The following CPQ variants were observed in gnomAD, a reference collection of about 807,000 sequenced individuals.
CPQ encodes the protein carboxypeptidase Q.
CPQ carries 37 observed loss-of-function variants against 45.7 expected under a neutral mutation model. The observed-to-expected ratio is 0.81, with a 90% CI of 0.62 to 1.07. The LOEUF is 1.07. CPQ is among the 50% of genes least tolerant of loss of function. The probability of loss-of-function intolerance (pLI) is 0.00; values close to 1 mark genes in which losing one functional copy is unlikely to be tolerated. For synonymous variants in CPQ, 186 were observed against 205.8 expected (o/e 0.90, Z 0.82); for missense variants, 537 against 572.9 (o/e 0.94, Z 0.64).
At chr8:96,935,529 T>C (rs1813034192) in intron 4 of CPQ, among the ~76,000 whole-genome samples, 1 of 152,018 alleles carries the variant, frequency 6.6e-6, no homozygotes, top group South Asian at 2.1e-4. Context: ...GAGAGGGAAA[T>C]AGATGTTAAG....
intron 7 of CPQ, among the ~76,000 whole-genome samples, chr8:97,101,873 T>G (rs1225089959): frequency 3.3e-5 from 5 of 151,856 alleles, no homozygotes; most frequent in African/African-American, 1.2e-4. Flanking sequence ...GTTGCTTTCT[T>G]CATTCATTTG....
In CPQ at chr8:96,679,185, G is replaced by C. The variant is rs144963339; in HGVS notation, c.-35+33783G>C. On this transcript the variant is annotated intron_variant, in intron 1 of 7. Transcript: ENST00000220763. ...CTATGTCTACTGAGATGATTCATAT[G>C]GTCTTTGTCCCTCATTCTGTTGATG... Among the ~76,000 whole-genome samples the C allele has an allele frequency of 9.4e-3, 1,424 of 152,062 alleles. 23 individuals are homozygous for C. The highest frequency in any genetic ancestry group is 0.033 in the African/African-American group (1,375 of 41,494).
At chr8:97,060,447 C>A (rs1463502705) in intron 6 of CPQ, among the ~76,000 whole-genome samples, 2 of 152,094 alleles carry the variant, frequency 1.3e-5, no homozygotes, top group African/African-American at 2.4e-5. Context: ...TAAGAGGTTA[C>A]CTTGGAGCAT....
At chr8:97,018,329 T>C (rs1280794446) in intron 5 of CPQ, among the ~76,000 whole-genome samples, 1 of 152,122 alleles carries the variant, frequency 6.6e-6, no homozygotes, top group Non-Finnish European at 1.5e-5. Context: ...AACAGCGTTC[T>C]TTAACATCCC....
intron 5 of CPQ, among the ~76,000 whole-genome samples, chr8:97,009,488 G>C (rs1809443467): frequency 6.6e-6 from 1 of 152,194 alleles, no homozygotes; most frequent in South Asian, 2.1e-4. Flanking sequence ...GGAACTGATA[G>C]AATAAGATTT....
At chr8:96,911,788 G>T (rs2130904882) in intron 4 of CPQ, among the ~76,000 whole-genome samples, 1 of 152,270 alleles carries the variant, frequency 6.6e-6, no homozygotes, top group East Asian at 1.9e-4. Flanking sequence ...CATGTAACCT[G>T]ATTTAGTCTG....
intron 5 of CPQ, among the ~76,000 whole-genome samples, chr8:97,019,353 A>G (rs1809637791): frequency 6.6e-6 from 1 of 152,238 alleles, no homozygotes; most frequent in Non-Finnish European, 1.5e-5. Context: ...AACAAATAGC[A>G]TGATGAATGG....
intron 6 of CPQ, 97 bp from the exon 7 acceptor site, chr8:97,065,912 A>G: frequency 4.2e-6 from 5 of 1,192,016 alleles, no homozygotes; most frequent in Middle Eastern, 2.8e-4. Flanking sequence ...GCACAGCCGT[A>G]AGGAGGTAAA....
rs543392770 is a variant in CPQ, at chr8:96,741,897, A to G, written c.-34-42967A>G. Among the ~76,000 whole-genome samples, 24 of 145,240 alleles carry G rather than the reference A, an allele frequency of 1.7e-4. No individual in the cohort carries two copies. The South Asian group carries it at 5.6e-3, about 34-fold the overall frequency. ...GCTGAGGAGAGCTTTACTTCCAACT[A>G]TGTGGTCAATTTTGGAATAGGTGTG... On this transcript the variant is annotated intron_variant, in intron 1 of 7. Transcript: ENST00000220763.
chr8:96,743,694 G>A (rs902836725), intron 1 of CPQ, among the ~76,000 whole-genome samples: 48 of 152,224 alleles, frequency 3.2e-4, no homozygotes, highest in Admixed American at 1.7e-3. Context: ...TCTTTCTAAC[G>A]GACAGGACCC....
chr8:96,858,443 G>C (rs4734352), intron 3 of CPQ, among the ~76,000 whole-genome samples: 1 of 151,926 alleles, frequency 6.6e-6, no homozygotes, highest in Non-Finnish European at 1.5e-5. Context: ...GCACAGCAGC[G>C]TCTGATATCC....
At chr8:97,123,004 T>A (rs11779654) in intron 7 of CPQ, among the ~76,000 whole-genome samples, 1,252 of 17,064 alleles carry the variant, frequency 0.073, 158 homozygotes, top group East Asian at 0.28. Context: ...AAATAAAATA[T>A]AAAATAAAAT....
intron 1 of CPQ, among the ~76,000 whole-genome samples, chr8:96,741,344 G>A (rs997015920): frequency 9.2e-5 from 14 of 152,026 alleles, no homozygotes; most frequent in African/African-American, 1.7e-4. Context: ...TTTTTATTGC[G>A]TCTGTTTGAT....
chr8:96,782,812 A>G (rs1481330170), intron 1 of CPQ, among the ~76,000 whole-genome samples: 1 of 152,148 alleles, frequency 6.6e-6, no homozygotes, highest in East Asian at 1.9e-4. Flanking sequence ...CTTCCATCAG[A>G]TATTCTAGTT....
chr8:97,080,150 C>T (rs769421126), intron 7 of CPQ, among the ~76,000 whole-genome samples: 10 of 152,198 alleles, frequency 6.6e-5, no homozygotes, highest in South Asian at 2.1e-4. Context: ...GCATTTTCTT[C>T]GATGTTTTGC....
At chr8:96,756,568 T>TA (rs1181747604) in intron 1 of CPQ, among the ~76,000 whole-genome samples, 9 of 152,168 alleles carry the variant, frequency 5.9e-5, no homozygotes, top group Admixed American at 1.3e-4. Context: ...TACGCCCCTT[T>TA]AAGGAGAATT....
intron 4 of CPQ, among the ~76,000 whole-genome samples, chr8:96,947,504 C>T (rs1242136451): frequency 1.3e-5 from 2 of 151,994 alleles, no homozygotes; most frequent in African/African-American, 2.4e-5. Flanking sequence ...GTGATGTTTC[C>T]AGCTTTGTTG....
At chr8:96,815,245 A>G (rs886273656) in intron 2 of CPQ, among the ~76,000 whole-genome samples, 1 of 152,124 alleles carries the variant, frequency 6.6e-6, no homozygotes. Context: ...CTTTCAAAAA[A>G]TTGTGAATTA....
chr8:96,926,576 C>CTCTTCCTCTTCCTCTTCCTCTTCTTCT (rs1445697100), intron 4 of CPQ, among the ~76,000 whole-genome samples: 20 of 75,040 alleles, frequency 2.7e-4, no homozygotes, highest in East Asian at 9.2e-4. Flanking sequence ...CTTCCTCTTC[C>CTCTTCCTCTTCCTCTTCCTCTTCTTCT]TCTTCTTCTT....
Sources: gnomAD v4.1 joint callset for allele counts (sites outside exome capture counted in the v4.1 genomes callset) on GRCh38, gnomAD v4.1.1 for gene constraint, MANE v1.5 for transcripts, NCBI Gene and HGNC (gene_info 2026-07-23, HGNC 2026-07-21) for gene names.